Variants in SPATA6 observed in about 807,000 individuals in gnomAD.
SPATA6 encodes spermatogenesis-associated protein 6.
In SPATA6, 56 loss-of-function variants were observed where a neutral mutation model predicts 65.3. That is an observed-to-expected ratio of 0.86 (90% CI 0.69 to 1.07). SPATA6 has a LOEUF of 1.07. SPATA6 is among the 50% of genes least tolerant of loss of function. The probability of loss-of-function intolerance (pLI) is 0.00; values close to 1 mark genes in which losing one functional copy is unlikely to be tolerated. For synonymous variants in SPATA6, 199 were observed against 213.2 expected (o/e 0.93, Z 0.58); for missense variants, 590 against 594.8 (o/e 0.99, Z 0.08).
At chr1:48,331,284 G>A (rs901007186) in intron 11 of SPATA6, among the ~76,000 whole-genome samples, 4 of 151,894 alleles carry the variant, frequency 2.6e-5, no homozygotes, top group African/African-American at 7.3e-5. Flanking sequence ...GAAGATCGTC[G>A]AGATTCAGGA....
At chr1:48,291,124 GA>G (rs1368600710), downstream of SPATA6, among the ~76,000 whole-genome samples, 2 of 152,188 alleles carry the variant, frequency 1.3e-5, no homozygotes, top group African/African-American at 4.8e-5. Flanking sequence ...AAATGTTAAA[GA>G]ACAGAAATTA....
At chr1:48,438,245 AC>A (rs1655130056) in intron 3 of SPATA6, among the ~76,000 whole-genome samples, 1 of 152,192 alleles carries the variant, frequency 6.6e-6, no homozygotes, top group Non-Finnish European at 1.5e-5. Flanking sequence ...ACCAGAAGGA[AC>A]CAACTCTGGA....
At chr1:48,465,181 C>T (rs1004605748) in intron 1 of SPATA6, among the ~76,000 whole-genome samples, 7 of 152,084 alleles carry the variant, frequency 4.6e-5, no homozygotes, top group African/African-American at 1.4e-4. Context: ...TTGGTAGTCA[C>T]AGAAAAGGAA....
chr1:48,280,987 G>C, the SPATA6 span, among the ~76,000 whole-genome samples: 1 of 152,108 alleles, frequency 6.6e-6, no homozygotes, highest in African/African-American at 2.4e-5. Flanking sequence ...TATCCACCAT[G>C]ATCAAGTGGG....
intron 3 of SPATA6, among the ~76,000 whole-genome samples, chr1:48,427,376 A>G (rs1298503905): frequency 2.0e-5 from 3 of 151,904 alleles, no homozygotes; most frequent in Non-Finnish European, 2.9e-5. Context: ...AGTAAACACT[A>G]AACAGGCAAA....
intron 12 of SPATA6, among the ~76,000 whole-genome samples, chr1:48,299,125 G>A (rs1644869324): frequency 6.6e-6 from 1 of 151,984 alleles, no homozygotes; most frequent in African/African-American, 2.4e-5. Flanking sequence ...TTGTGTTAGA[G>A]TGAAAAAGGA....
intron 8 of SPATA6, among the ~76,000 whole-genome samples, chr1:48,386,271 C>T (rs1254189369): frequency 1.3e-5 from 2 of 152,144 alleles, no homozygotes; most frequent in African/African-American, 4.8e-5. Context: ...AAGATAATAA[C>T]CACTACATTC....
chr1:48,438,679 G>A (rs1229396960), intron 3 of SPATA6, among the ~76,000 whole-genome samples: 1 of 152,106 alleles, frequency 6.6e-6, no homozygotes. Flanking sequence ...TGCCTCCTGG[G>A]TTCTAACGCC....
chr1:48,420,721 C>A (rs1378662957), intron 3 of SPATA6, among the ~76,000 whole-genome samples: 1 of 152,112 alleles, frequency 6.6e-6, no homozygotes, highest in Non-Finnish European at 1.5e-5. Context: ...AGGCAAGTTG[C>A]AGCATTGACC....
At chr1:48,355,847 G>T in intron 10 of SPATA6, 78 bp from the exon 11 acceptor site, 1 of 1,121,396 alleles carries the variant, frequency 8.9e-7, no homozygotes, top group Non-Finnish European at 1.3e-6. Flanking sequence ...AGTTTTCACA[G>T]TATGTTCAAC....
intron 3 of SPATA6, among the ~76,000 whole-genome samples, chr1:48,445,616 C>G (rs554991779): frequency 1.4e-5 from 2 of 140,494 alleles, no homozygotes; most frequent in Non-Finnish European, 3.0e-5. Flanking sequence ...GCCGAGATCA[C>G]GCCGCTGCAC....
At chr1:48,330,173 TG>T (rs1645875554) in intron 11 of SPATA6, among the ~76,000 whole-genome samples, 1 of 152,090 alleles carries the variant, frequency 6.6e-6, no homozygotes, top group Non-Finnish European at 1.5e-5. Context: ...CCCCCACCAC[TG>T]GTAGCCAGCT....
chr1:48,413,152 C>T lies in SPATA6; in HGVS notation c.239-1G>A. ...ATCAACTCGAACACTGCTGTATCAT[C>T]TAAAAGTTTAAAGAAAAATTTCCTT... On this transcript the variant is annotated splice_acceptor_variant, in intron 3 of 12. Coordinates refer to ENST00000371847, the MANE Select transcript of SPATA6 (RefSeq NM_019073.4). LOFTEE classifies it high-confidence loss of function. The T allele has an allele frequency of 7.0e-7, 1 of 1,422,952 alleles. No individual in the cohort carries two copies. The highest frequency in any genetic ancestry group is 9.2e-7 in the Non-Finnish European group (1 of 1,087,392). The allele number at this position is 1,422,952 out of a possible 1,614,324, so 88.1% of individuals were successfully genotyped here. A position where few individuals can be genotyped will look rare whatever the true frequency, so the allele number is the denominator to read the frequency against.
chr1:48,273,675 C>T, the SPATA6 span, among the ~76,000 whole-genome samples: 2 of 152,122 alleles, frequency 1.3e-5, no homozygotes, highest in South Asian at 2.1e-4. Context: ...ATGAACTCAT[C>T]CTTTTTTTAT....
chr1:48,446,702 G>C (rs1656083989), intron 3 of SPATA6, among the ~76,000 whole-genome samples: 1 of 152,058 alleles, frequency 6.6e-6, no homozygotes, highest in African/African-American at 2.4e-5. Context: ...AATGAAAGAA[G>C]AAATAATTCA....
At chr1:48,299,303 C>T (rs985523104) in intron 12 of SPATA6, among the ~76,000 whole-genome samples, 2 of 151,720 alleles carry the variant, frequency 1.3e-5, no homozygotes, top group Non-Finnish European at 2.9e-5. Context: ...CACCTGAGGT[C>T]GGGAGTTCGA....
At position 48,404,003 on chromosome 1, in the gene SPATA6, T is replaced by C. The variant is rs1045979042; in HGVS notation, c.406-121A>G. On this transcript the variant is annotated intron_variant, in intron 5 of 12. Coordinates refer to ENST00000371847, the MANE Select transcript of SPATA6 (RefSeq NM_019073.4). Reference sequence around the variant, plus strand: ...AAAGTTCAGCTGTTTCACTGTTAGTTTGAACTTTTCATTAAAGATAAAGAC... The same window carrying C: ...AAAGTTCAGCTGTTTCACTGTTAGTCTGAACTTTTCATTAAAGATAAAGAC... 6 of 659,054 alleles carry C rather than the reference T, an allele frequency of 9.1e-6. 1 individual carries two copies. Among genetic ancestry groups the C allele is most frequent in the South Asian group, 5.0e-5 (2 of 40,226 alleles). The allele number at this position is 659,054 out of a possible 1,614,324, so 40.8% of individuals were successfully genotyped here.
At chr1:48,405,873 A>G (rs1651653128) in intron 5 of SPATA6, among the ~76,000 whole-genome samples, 1 of 152,128 alleles carries the variant, frequency 6.6e-6, no homozygotes, top group Non-Finnish European at 1.5e-5. Flanking sequence ...TTCCTCTCAC[A>G]TGCAAAATAC....
At chr1:48,468,430 A>G (rs1657973612) in intron 1 of SPATA6, among the ~76,000 whole-genome samples, 1 of 152,214 alleles carries the variant, frequency 6.6e-6, no homozygotes, top group African/African-American at 2.4e-5. Context: ...ATATTTATCC[A>G]TTCTTTTTTG....
Sources: allele counts gnomAD v4.1 joint callset (sites outside exome capture counted in the v4.1 genomes callset), GRCh38; gene constraint gnomAD v4.1.1; transcripts MANE v1.5; gene names NCBI Gene and HGNC (gene_info 2026-07-23, HGNC 2026-07-21).